RAB3GAP1: variants seen among roughly 807,000 people sequenced by gnomAD.
RAB3GAP1 encodes the protein RAB3 GTPase activating protein catalytic subunit 1.
Under a neutral mutation model 130.7 loss-of-function variants are expected in RAB3GAP1, and 86 were observed. The observed-to-expected ratio is 0.66, with a 90% CI of 0.55 to 0.79. The LOEUF (loss-of-function observed/expected upper bound fraction) is 0.79. RAB3GAP1 is among the 30% of genes least tolerant of loss of function. The probability of loss-of-function intolerance (pLI) is 0.00; values close to 1 mark genes in which losing one functional copy is unlikely to be tolerated. For synonymous variants in RAB3GAP1, 367 were observed against 401.7 expected (o/e 0.91, Z 1.03); for missense variants, 1,029 against 1,169.4 (o/e 0.88, Z 1.75).
rs1292250202 is a variant in RAB3GAP1, at chr2:135,170,505, A to G, written c.*1724A>G. The G allele has an allele frequency of 6.6e-6, 1 of 152,222 alleles. No individual in the cohort carries two copies. The highest frequency in any genetic ancestry group is 1.5e-5 in the Non-Finnish European group (1 of 68,036). 9.4% of individuals were successfully genotyped at this position (152,222 alleles called of 1,614,324 possible). A position where few individuals can be genotyped will look rare whatever the true frequency, so the allele number is the denominator to read the frequency against. ...TTTAAGTACCCACTTTGTGTCAGGTACAGTACAAGCAATGAAGATAAAACA... is the reference window on the plus strand; with the variant it reads ...TTTAAGTACCCACTTTGTGTCAGGTGCAGTACAAGCAATGAAGATAAAACA... On this transcript the variant is annotated 3_prime_UTR_variant, in exon 24 of 24. Transcript: ENST00000264158.
chr2:135,158,929 A>G, intron 19 of RAB3GAP1, among the ~76,000 whole-genome samples: 1 of 152,248 alleles, frequency 6.6e-6, no homozygotes, highest in East Asian at 1.9e-4. Flanking sequence ...ACCCAAAATG[A>G]GGAACATTCT....
At position 135,169,654 on chromosome 2, in the gene RAB3GAP1, C is replaced by A. The variant is rs1692786510; in HGVS notation, c.*873C>A. On this transcript the variant is annotated 3_prime_UTR_variant, in exon 24 of 24. Transcript: ENST00000264158. ...GTCTTGGTACCTAGAGACTGTCATG[C>A]AGATAGTATAATTTGGTATATGTGC... 2.3e-6 allele frequency: 1 copy of A among 439,114 alleles called. No individual in the cohort carries two copies. The highest frequency in any genetic ancestry group is 2.4e-5 in the Admixed American group (1 of 41,462). The allele number at this position is 439,114 out of a possible 1,614,324, so 27.2% of individuals were successfully genotyped here.
intron 18 of RAB3GAP1, among the ~76,000 whole-genome samples, chr2:135,150,774 T>C (rs1390316059): frequency 1.3e-5 from 2 of 152,220 alleles, no homozygotes; most frequent in Non-Finnish European, 2.9e-5. Context: ...GTGGTTTCTT[T>C]GTTTGTGTTC....
chr2:135,115,170 T>C lies in RAB3GAP1; in HGVS notation c.483-46T>C, dbSNP rs925433941. On this transcript the variant is annotated intron_variant, in intron 6 of 23. Transcript: ENST00000264158. The stretch of plus-strand genomic sequence containing the variant: ...GAAAAAATTTGAGGTTCAGGTTTAA[T>C]GTTTAATGAGCTTGTATTCCATTCC... 5.8e-6 allele frequency: 9 copies of C among 1,546,238 alleles called. No individual in the cohort carries two copies. In the African/African-American group the frequency reaches 1.2e-4, roughly 21 times the overall value.
chr2:135,158,815 G>A (rs993947721), intron 19 of RAB3GAP1, among the ~76,000 whole-genome samples: 1 of 152,026 alleles, frequency 6.6e-6, no homozygotes, highest in Admixed American at 6.6e-5. Context: ...AATGGAGATC[G>A]TACACATTGG....
intron 19 of RAB3GAP1, among the ~76,000 whole-genome samples, chr2:135,156,958 A>T (rs1271579784): frequency 2.6e-5 from 4 of 152,236 alleles, no homozygotes; most frequent in Non-Finnish European, 5.9e-5. Context: ...ATTCATATAC[A>T]CTAATAACCA....
intron 17 of RAB3GAP1, among the ~76,000 whole-genome samples, chr2:135,148,488 ATTCT>A (rs1266731488): frequency 7.3e-6 from 1 of 137,444 alleles, no homozygotes; most frequent in East Asian, 2.3e-4. Context: ...CAAGCTAGTA[ATTCT>A]TTTTTTTTTT....
intron 12 of RAB3GAP1, 108 bp from the exon 13 acceptor site, chr2:135,130,444 C>G: frequency 1.1e-6 from 1 of 904,652 alleles, no homozygotes; most frequent in Non-Finnish European, 1.7e-6. Context: ...CCATGTAACA[C>G]TAGTAAAAAG....
At chr2:135,090,484 G>A (rs1014597835) in intron 3 of RAB3GAP1, among the ~76,000 whole-genome samples, 1 of 152,086 alleles carries the variant, frequency 6.6e-6, no homozygotes, top group African/African-American at 2.4e-5. Flanking sequence ...TATGCTTAGG[G>A]TTCTGTATAA....
chr2:135,114,611 A>G (rs965844084), intron 6 of RAB3GAP1, among the ~76,000 whole-genome samples: 2 of 152,246 alleles, frequency 1.3e-5, no homozygotes, highest in Non-Finnish European at 2.9e-5. Flanking sequence ...TTTTTTGTCA[A>G]TCAGTTAATA....
intron 5 of RAB3GAP1, among the ~76,000 whole-genome samples, chr2:135,095,696 C>G (rs1303412860): frequency 6.6e-6 from 1 of 152,148 alleles, no homozygotes; most frequent in Non-Finnish European, 1.5e-5. Flanking sequence ...AAATTTCAGG[C>G]AAAAACAACA....
chr2:135,126,331 G>A, intron 10 of RAB3GAP1, 82 bp downstream of exon 10: 1 of 1,133,850 alleles, frequency 8.8e-7, no homozygotes, highest in Middle Eastern at 2.1e-4. Flanking sequence ...ATTTTTATAT[G>A]CATTTTTTAT....
chr2:135,068,244 A>G (rs990759070), intron 3 of RAB3GAP1, among the ~76,000 whole-genome samples: 11 of 152,168 alleles, frequency 7.2e-5, no homozygotes, highest in Non-Finnish European at 1.5e-4. Flanking sequence ...TCTGAGATAG[A>G]TAAGAATTAA....
At chr2:135,077,584 G>T (rs547337726) in intron 3 of RAB3GAP1, among the ~76,000 whole-genome samples, 1 of 152,306 alleles carries the variant, frequency 6.6e-6, no homozygotes, top group Non-Finnish European at 1.5e-5. Flanking sequence ...ACAATCAGAA[G>T]TGGAATTGTT....
At chr2:135,069,560 G>A (rs1334898380) in intron 3 of RAB3GAP1, among the ~76,000 whole-genome samples, 2 of 152,066 alleles carry the variant, frequency 1.3e-5, no homozygotes, top group Non-Finnish European at 1.5e-5. Flanking sequence ...AATTTCAATT[G>A]CATTTTTCCA....
Position 135,170,457 on chromosome 2 carries a change from T to TA in RAB3GAP1, c.*1677dup, listed in dbSNP as rs1365833881. 2.0e-5 allele frequency: 3 copies of TA among 152,216 alleles called. No homozygotes were observed. Among genetic ancestry groups the TA allele is most frequent in the African/African-American group, 7.2e-5 (3 of 41,460 alleles). 9.4% of individuals were successfully genotyped at this position (152,216 alleles called of 1,614,324 possible). ...TACTCCATTTTATTTTTATGATAGT[T>TA]ATGTATTTATTTCACAGATATATTT... On this transcript the variant is annotated 3_prime_UTR_variant, in exon 24 of 24. Coordinates refer to ENST00000264158, the MANE Select transcript of RAB3GAP1 (RefSeq NM_012233.3).
Position 135,135,785 on chromosome 2 carries a change from T to G in RAB3GAP1, c.1776T>G (p.Thr592=), listed in dbSNP as rs769148634. 8 of 1,614,078 alleles carry G rather than the reference T, an allele frequency of 5.0e-6. No homozygotes were observed. The highest frequency in any genetic ancestry group is 6.8e-6 in the Non-Finnish European group (8 of 1,180,008). ...AATTTTTTGAATGCCTAAGTGATACTGAAGAACTTAAAGGAAATGGACAAG... is the reference window on the plus strand; with the variant it reads ...AATTTTTTGAATGCCTAAGTGATACGGAAGAACTTAAAGGAAATGGACAAG... ...EEEFFECLSD[T]EELKGNGQES... The change falls in exon 17 of 24, where the codon ACT becomes ACG. Residue 592 remains threonine (T), a synonymous_variant. Coordinates refer to ENST00000264158, the MANE Select transcript of RAB3GAP1 (RefSeq NM_012233.3).
At position 135,115,380 on chromosome 2, in the gene RAB3GAP1, T is replaced by C; in HGVS notation, c.647T>C (p.Ile216Thr). Residue 216 changes from isoleucine (I) to threonine (T), a missense_variant and splice_region_variant, in exon 7 of 24, where the codon ATT becomes ACT. Physicochemically the swap from Ile to Thr is moderately conservative, Grantham distance 89. Around this residue, in one of 3 missense-constraint regions of RAB3GAP1, gnomAD observed 510 missense variants for 532.1 expected, o/e 0.96. Coordinates refer to ENST00000264158, the MANE Select transcript of RAB3GAP1 (RefSeq NM_012233.3). ...SGLLDIFKSK[I>T]GCPLTPLPPV... ...CTGCTGGATATCTTCAAATCAAAGATTGTGAGTTGGGATTGATATTGTCAG... is the reference window on the plus strand; with the variant it reads ...CTGCTGGATATCTTCAAATCAAAGACTGTGAGTTGGGATTGATATTGTCAG... 4 of 1,608,730 alleles carry C rather than the reference T, an allele frequency of 2.5e-6. No individual in the cohort carries two copies. The highest frequency in any genetic ancestry group is 3.4e-6 in the Non-Finnish European group (4 of 1,175,462).
chr2:135,077,422 TG>T (rs1195372778), intron 3 of RAB3GAP1, among the ~76,000 whole-genome samples: 6 of 152,204 alleles, frequency 3.9e-5, no homozygotes, highest in Non-Finnish European at 7.3e-5. Context: ...CTGGGCATGG[TG>T]GCTCATGCCT....
Sources: gnomAD v4.1 joint callset for allele counts (sites outside exome capture counted in the v4.1 genomes callset) on GRCh38, gnomAD v4.1.1 for gene constraint, gnomAD v4.1.1 regional missense constraint, MANE v1.5 for transcripts, NCBI Gene and HGNC (gene_info 2026-07-23, HGNC 2026-07-21) for gene names.